ERGIC1: variants seen among roughly 807,000 people sequenced by gnomAD.
ERGIC1 encodes the protein endoplasmic reticulum-golgi intermediate compartment 1.
Under a neutral mutation model 38.3 loss-of-function variants are expected in ERGIC1, and 19 were observed. The observed-to-expected ratio is 0.50, with a 90% confidence interval of 0.35 to 0.73. The LOEUF (loss-of-function observed/expected upper bound fraction) is 0.73, where lower values mean the gene tolerates loss of function less well. ERGIC1 is among the 30% of genes least tolerant of loss of function. ERGIC1 has a pLI of 0.01. For synonymous variants in ERGIC1, 124 were observed against 157.6 expected, an observed-to-expected ratio of 0.79 and a Z score of 1.60; for missense variants, 294 against 389.2, an observed-to-expected ratio of 0.76 and a Z score of 2.06.
chr5:172,890,867 T>C (rs1178325765), intron 2 of ERGIC1, among the ~76,000 whole-genome samples: 4 of 152,196 alleles, frequency 2.6e-5, no homozygotes, highest in African/African-American at 2.4e-5. Context: ...CCATTCTCAG[T>C]TGGGGGAGGA....
At chr5:172,864,201 C>CACAA (rs928621233) in intron 1 of ERGIC1, among the ~76,000 whole-genome samples, 1 of 148,080 alleles carries the variant, frequency 6.8e-6, no homozygotes, top group African/African-American at 2.5e-5. Context: ...CATCTCAAAA[C>CACAA]ACAAACAAAC....
At chr5:172,909,814 T>C in intron 4 of ERGIC1, 53 bp downstream of exon 4, 1 of 1,487,944 alleles carries the variant, frequency 6.7e-7, no homozygotes, top group Middle Eastern at 1.7e-4. Flanking sequence ...TTAGGGCAAA[T>C]GTGTGTGTGC....
At chr5:172,852,374 C>CT (rs371637266) in intron 1 of ERGIC1, among the ~76,000 whole-genome samples, 54 of 152,282 alleles carry the variant, frequency 3.5e-4, no homozygotes, top group Middle Eastern at 3.4e-3. Context: ...TCTCCTGGCT[C>CT]TAACTCAGAC....
At position 172,875,857 on chromosome 5, in the gene ERGIC1, C is replaced by G. The variant is rs547366913; in HGVS notation, c.21-12842C>G. Among the ~76,000 whole-genome samples the G allele has an allele frequency of 4.6e-5, 7 of 152,318 alleles. No individual in the cohort carries two copies. The South Asian group carries it at 1.5e-3, about 32-fold the overall frequency. On this transcript the variant is annotated intron_variant, in intron 1 of 9. Transcript: ENST00000393784. Reference sequence around the variant, plus strand: ...CCTTGGGATAACAGGCATGAGCCACCATGCCTGGCCACGTCCTTTATTTAT... The same window carrying G: ...CCTTGGGATAACAGGCATGAGCCACGATGCCTGGCCACGTCCTTTATTTAT...
intron 8 of ERGIC1, 118 bp from the exon 9 acceptor site, chr5:172,935,070 T>C: frequency 6.8e-7 from 1 of 1,468,242 alleles, no homozygotes; most frequent in Non-Finnish European, 9.4e-7. Flanking sequence ...TCTGGCTTCG[T>C]GGGGCAGAGA....
chr5:172,845,837 C>A (rs1017917938), intron 1 of ERGIC1, among the ~76,000 whole-genome samples: 4 of 152,064 alleles, frequency 2.6e-5, no homozygotes, highest in Non-Finnish European at 5.9e-5. Context: ...TGCCCATTTT[C>A]CACTGATGTC....
chr5:172,947,266 GC>G (rs1336304508), intron 9 of ERGIC1, among the ~76,000 whole-genome samples: 2 of 151,856 alleles, frequency 1.3e-5, no homozygotes, highest in African/African-American at 4.8e-5. Context: ...CTCACTGCAG[GC>G]TTGACCTCCT....
At chr5:172,896,593 A>G (rs1318720269) in intron 2 of ERGIC1, among the ~76,000 whole-genome samples, 2 of 152,216 alleles carry the variant, frequency 1.3e-5, no homozygotes, top group African/African-American at 4.8e-5. Context: ...TGGAGAAGCC[A>G]GAATGCTGGC....
At chr5:172,858,603 G>A (rs1465141724) in intron 1 of ERGIC1, among the ~76,000 whole-genome samples, 7 of 152,196 alleles carry the variant, frequency 4.6e-5, no homozygotes, top group African/African-American at 1.2e-4. Context: ...TGAGTCCTCT[G>A]CCGGCATCCA....
At position 172,834,559 on chromosome 5, in the gene ERGIC1, G is replaced by A; in HGVS notation, c.20+126G>A. On this transcript the variant is annotated intron_variant, in intron 1 of 9. Coordinates refer to ENST00000393784, the MANE Select transcript of ERGIC1 (RefSeq NM_001031711.3). This position sits in a 1 kb window ranked among gnomAD's most constrained non-coding sequence, Gnocchi z 4.1. ...CCCCGCCCTGTGCATGCCTCCGCAGGCCCCTAGGGACCCCAGGCGAGCCCC... is the reference window on the plus strand; with the variant it reads ...CCCCGCCCTGTGCATGCCTCCGCAGACCCCTAGGGACCCCAGGCGAGCCCC... The A allele has an allele frequency of 1.1e-6, 1 of 945,726 alleles. No individual in the cohort carries two copies. The highest frequency in any genetic ancestry group is 1.8e-5 in the African/African-American group (1 of 55,070). The allele number at this position is 945,726 out of a possible 1,614,324, so 58.6% of individuals were successfully genotyped here.
rs7718452 is a variant in ERGIC1, at chr5:172,900,328, A to G, written c.155+3254A>G. 3.3e-3 allele frequency among the ~76,000 whole-genome samples: 498 copies of G among 152,286 alleles called. 5 individuals carry two copies. The highest frequency in any genetic ancestry group is 0.011 in the African/African-American group (474 of 41,574). ...CCACTGCTCCCCATTCCCCCGTGCC[A>G]GGACTTCCTCTCCCTCTCTCCCAGC... On this transcript the variant is annotated intron_variant, in intron 3 of 9. Transcript: ENST00000393784.
chr5:172,920,813 T>C (rs943457966), intron 5 of ERGIC1, among the ~76,000 whole-genome samples: 1 of 152,236 alleles, frequency 6.6e-6, no homozygotes, highest in African/African-American at 2.4e-5. Flanking sequence ...TGTCACTGCG[T>C]AGAAAACCTC....
At chr5:172,868,568 G>A (rs756565864) in intron 1 of ERGIC1, among the ~76,000 whole-genome samples, 5 of 152,204 alleles carry the variant, frequency 3.3e-5, no homozygotes, top group Admixed American at 2.0e-4. Context: ...ATGAATAGGC[G>A]GAGCACGGAG....
At chr5:172,928,650 C>A (rs756338491) in intron 7 of ERGIC1, among the ~76,000 whole-genome samples, 2 of 152,186 alleles carry the variant, frequency 1.3e-5, no homozygotes, top group Non-Finnish European at 2.9e-5. Context: ...CAGGACCCAG[C>A]CCTGTACCCA....
At chr5:172,942,814 C>T (rs1334342121) in intron 9 of ERGIC1, among the ~76,000 whole-genome samples, 2 of 152,174 alleles carry the variant, frequency 1.3e-5, no homozygotes, top group Non-Finnish European at 2.9e-5. Context: ...TTTTGCACAC[C>T]AGGCTGGTTT....
At chr5:172,838,495 G>A (rs1387660827) in intron 1 of ERGIC1, among the ~76,000 whole-genome samples, 5 of 152,076 alleles carry the variant, frequency 3.3e-5, no homozygotes, top group Non-Finnish European at 4.4e-5. Flanking sequence ...GACCTCCTCA[G>A]GACTCCCTAG....
At chr5:172,900,485 T>C (rs1476749339) in intron 3 of ERGIC1, among the ~76,000 whole-genome samples, 1 of 151,832 alleles carries the variant, frequency 6.6e-6, no homozygotes, top group Admixed American at 6.6e-5. Flanking sequence ...GGCCAGAGGA[T>C]CACTTAGCCC....
At chr5:172,943,381 C>T (rs529930131) in intron 9 of ERGIC1, among the ~76,000 whole-genome samples, 37 of 151,932 alleles carry the variant, frequency 2.4e-4, no homozygotes, top group African/African-American at 8.5e-4. Flanking sequence ...CAACCACTTC[C>T]CTTCCCCGAC....
chr5:172,900,265 G>T (rs1762835529), intron 3 of ERGIC1, among the ~76,000 whole-genome samples: 1 of 152,200 alleles, frequency 6.6e-6, no homozygotes, highest in Admixed American at 6.5e-5. Context: ...AGCTTCCCAA[G>T]GGCAGGGCTG....
Sources: gnomAD v4.1 joint callset for allele counts (sites outside exome capture counted in the v4.1 genomes callset) on GRCh38, gnomAD v4.1.1 for gene constraint, Gnocchi (gnomAD v3.1) non-coding constraint, MANE v1.5 for transcripts, NCBI Gene and HGNC (gene_info 2026-07-23, HGNC 2026-07-21) for gene names.